MACROD2: variants seen among roughly 807,000 people sequenced by gnomAD.
MACROD2 encodes the protein ADP-ribose glycohydrolase MACROD2.
In MACROD2, 36 loss-of-function variants were observed where a neutral mutation model predicts 70.4. That is an observed-to-expected ratio of 0.51 (90% confidence interval 0.39 to 0.68). The LOEUF (loss-of-function observed/expected upper bound fraction) is 0.68. Ranked by LOEUF, MACROD2 falls within the 30% of genes least tolerant of loss-of-function variation. The pLI is 0.00. For synonymous variants in MACROD2, 172 were observed against 178.8 expected (o/e 0.96, Z 0.30); for missense variants, 496 against 538.4 (o/e 0.92, Z 0.78).
At chr20:14,714,664 T>C (rs1217649868) in intron 5 of MACROD2, among the ~76,000 whole-genome samples, 2 of 152,100 alleles carry the variant, frequency 1.3e-5, no homozygotes, top group East Asian at 3.9e-4. Context: ...GATAGGGACT[T>C]TGCTGTTTCC....
chr20:14,881,125 G>A (rs1427382656), intron 5 of MACROD2, among the ~76,000 whole-genome samples: 1 of 152,098 alleles, frequency 6.6e-6, no homozygotes, highest in Non-Finnish European at 1.5e-5. Flanking sequence ...TCAGGAATGA[G>A]AGGATGTTGC....
intron 5 of MACROD2, among the ~76,000 whole-genome samples, chr20:14,735,325 T>TTGAATTAGAA (rs1221666336): frequency 6.6e-6 from 1 of 151,990 alleles, no homozygotes; most frequent in Non-Finnish European, 1.5e-5. Context: ...GACAATGAAC[T>TTGAATTAGAA]TGAAAAGACA....
chr20:15,166,504 A>G (rs799179), intron 5 of MACROD2, among the ~76,000 whole-genome samples: 78,456 of 151,962 alleles, frequency 0.52, 20,333 homozygotes, highest in East Asian at 0.56. Flanking sequence ...TCCATTGTTT[A>G]TAAGTCACCA....
chr20:15,951,572 G>T (rs1250797316), intron 12 of MACROD2, among the ~76,000 whole-genome samples: 5 of 152,034 alleles, frequency 3.3e-5, no homozygotes. Context: ...TGTCAAATTA[G>T]AATGGAAAGG....
At chr20:15,232,232 A>G (rs1378393915) in intron 6 of MACROD2, among the ~76,000 whole-genome samples, 1 of 152,030 alleles carries the variant, frequency 6.6e-6, no homozygotes, top group Non-Finnish European at 1.5e-5. Flanking sequence ...AAACATGATT[A>G]TGACTGGATA....
intron 3 of MACROD2, among the ~76,000 whole-genome samples, chr20:14,182,376 A>G (rs1306213760): frequency 6.6e-6 from 1 of 152,094 alleles, no homozygotes; most frequent in Non-Finnish European, 1.5e-5. Context: ...TTATAATACT[A>G]GACCTTTATC....
intron 3 of MACROD2, among the ~76,000 whole-genome samples, chr20:14,312,861 T>C (rs1225113968): frequency 6.6e-6 from 1 of 152,180 alleles, no homozygotes; most frequent in Non-Finnish European, 1.5e-5. Context: ...TTGGGGTAGC[T>C]CAACTCCAGA....
intron 6 of MACROD2, among the ~76,000 whole-genome samples, chr20:15,318,937 A>G (rs1244172047): frequency 6.6e-6 from 1 of 152,182 alleles, no homozygotes; most frequent in Non-Finnish European, 1.5e-5. Context: ...ATTGCTGTTC[A>G]ACATTGTACT....
intron 5 of MACROD2, among the ~76,000 whole-genome samples, chr20:15,089,298 G>C (rs765055097): frequency 6.6e-6 from 1 of 152,060 alleles, no homozygotes; most frequent in Non-Finnish European, 1.5e-5. Flanking sequence ...ATCTTTAAGA[G>C]GTTTTTAACT....
At chr20:14,570,985 T>C (rs1289303694) in intron 4 of MACROD2, among the ~76,000 whole-genome samples, 1 of 152,068 alleles carries the variant, frequency 6.6e-6, no homozygotes, top group African/African-American at 2.4e-5. Flanking sequence ...GCAGTGATTC[T>C]GAAACTTTAC....
At chr20:15,598,631 G>A (rs531648033) in intron 8 of MACROD2, among the ~76,000 whole-genome samples, 2 of 152,334 alleles carry the variant, frequency 1.3e-5, no homozygotes, top group Non-Finnish European at 2.9e-5. Context: ...CTGAGCAGGA[G>A]AATAGGGTTG....
chr20:15,583,094 A>T (rs2048548927), intron 8 of MACROD2, among the ~76,000 whole-genome samples: 1 of 151,972 alleles, frequency 6.6e-6, no homozygotes, highest in South Asian at 2.1e-4. Flanking sequence ...TGTCGATGCT[A>T]TTCAAAAACA....
chr20:16,021,823 G>A (rs1188180881), intron 15 of MACROD2, among the ~76,000 whole-genome samples: 1 of 152,092 alleles, frequency 6.6e-6, no homozygotes, highest in African/African-American at 2.4e-5. Context: ...TGACTCCAGG[G>A]TCTTTTATAC....
chr20:15,399,255 G>A (rs1419157692), intron 6 of MACROD2, among the ~76,000 whole-genome samples: 1 of 152,178 alleles, frequency 6.6e-6, no homozygotes, highest in East Asian at 1.9e-4. Context: ...CCCCAATTCA[G>A]AGGTTTGGTT....
intron 3 of MACROD2, among the ~76,000 whole-genome samples, chr20:14,199,714 T>C (rs2081463137): frequency 1.3e-5 from 2 of 152,200 alleles, no homozygotes; most frequent in African/African-American, 4.8e-5. Context: ...TGACTGCATA[T>C]AATTTTACAG....
intron 3 of MACROD2, among the ~76,000 whole-genome samples, chr20:14,262,453 T>C (rs1011743932): frequency 6.6e-6 from 1 of 152,188 alleles, no homozygotes; most frequent in Non-Finnish European, 1.5e-5. Context: ...ATAATGAATT[T>C]GAAGTTCATT....
At chr20:15,569,016 A>G (rs1012019324) in intron 8 of MACROD2, among the ~76,000 whole-genome samples, 2 of 152,190 alleles carry the variant, frequency 1.3e-5, no homozygotes, top group African/African-American at 4.8e-5. Flanking sequence ...AAAAAATCTT[A>G]CTGAAGGCCT....
At chr20:15,253,309 C>G (rs1418793227) in intron 6 of MACROD2, among the ~76,000 whole-genome samples, 2 of 152,142 alleles carry the variant, frequency 1.3e-5, no homozygotes, top group Non-Finnish European at 2.9e-5. Flanking sequence ...CTCAATGACC[C>G]ACAAGCCTAT....
chr20:14,822,808 T>C (rs1040745), intron 5 of MACROD2, among the ~76,000 whole-genome samples: 30,686 of 152,002 alleles, frequency 0.2, 3,352 homozygotes, highest in East Asian at 0.23. Context: ...ACCCACACCA[T>C]TGTGTTCATC....
Sources: allele counts gnomAD v4.1 joint callset (sites outside exome capture counted in the v4.1 genomes callset), GRCh38; gene constraint gnomAD v4.1.1; transcripts MANE v1.5; gene names NCBI Gene and HGNC (gene_info 2026-07-23, HGNC 2026-07-21).